Variants in RGS13 observed in about 807,000 individuals in gnomAD.
RGS13 encodes regulator of G protein signaling 13, also known as regulator of G-protein signalling 13.
A neutral mutation model predicts 19.9 loss-of-function variants in RGS13; 14 were observed. The observed-to-expected ratio is 0.70, with a 90% CI of 0.46 to 1.10. The LOEUF is 1.10. RGS13 is among the 50% of genes least tolerant of loss of function. RGS13 has a pLI of 0.00. For missense variants in RGS13, 205 were observed against 187.1 expected (o/e 1.10, Z -0.56); for synonymous variants, 60 against 56.8 (o/e 1.06, Z -0.25).
At position 192,658,327 on chromosome 1, in the gene RGS13, A is replaced by G. The variant is rs778346180; in HGVS notation, c.254A>G (p.Lys85Arg). The part of the protein sequence containing the change: ...SRWSRISRAK[K>R]LYKIYIQPQS... ...TGGAGCAGAATTTCTAGGGCAAAGA[A>G]GCTTTATAAGATTTACATCCAGCCA... Residue 85 changes from lysine (K) to arginine (R), a missense_variant, in exon 6 of 7, where the codon AAG becomes AGG. Coordinates refer to ENST00000391995, the MANE Select transcript of RGS13 (RefSeq NM_002927.5). 1 of 1,613,442 alleles carries G rather than the reference A, an allele frequency of 6.2e-7. No homozygotes were observed. Among genetic ancestry groups the G allele is most frequent in the East Asian group, 2.2e-5 (1 of 44,794 alleles).
Position 192,658,239 on chromosome 1 carries a change from C to T in RGS13, c.166C>T (p.His56Tyr), listed in dbSNP as rs779965280. 6.2e-7 allele frequency: 1 copy of T among 1,612,860 alleles called. No homozygotes were observed. Among genetic ancestry groups the T allele is most frequent in the African/African-American group, 1.3e-5 (1 of 74,766 alleles). Residue 56 changes from histidine (H) to tyrosine (Y), a missense_variant, in exon 6 of 7, where the codon CAC becomes TAC. Transcript: ENST00000391995. ...CTATGCAGCATATTTAAAAATGGAG[C>T]ACAGTGACGAGAATATTCAATTCTG... is the stretch of plus-strand genomic sequence containing the variant. ...VVYAAYLKME[H>Y]SDENIQFWMA...
At chr1:192,641,318 A>T (rs571296236) in intron 3 of RGS13, among the ~76,000 whole-genome samples, 1 of 151,048 alleles carries the variant, frequency 6.6e-6, no homozygotes, top group South Asian at 2.1e-4. Context: ...AAAGAAAGAA[A>T]GGAGGGAGGG....
chr1:192,651,865 A>T (rs1663344592), intron 5 of RGS13, among the ~76,000 whole-genome samples: 1 of 152,064 alleles, frequency 6.6e-6, no homozygotes, highest in Non-Finnish European at 1.5e-5. Context: ...GAGGTATAAA[A>T]TAGTTTCTGC....
At chr1:192,657,034 C>G (rs959665386) in intron 5 of RGS13, among the ~76,000 whole-genome samples, 1 of 152,016 alleles carries the variant, frequency 6.6e-6, no homozygotes, top group Non-Finnish European at 1.5e-5. Flanking sequence ...TAATCAAAAT[C>G]CTACGCTTTT....
chr1:192,648,253 T>C (rs1046721871), intron 5 of RGS13, among the ~76,000 whole-genome samples: 10 of 152,308 alleles, frequency 6.6e-5, no homozygotes, highest in Admixed American at 3.9e-4. Context: ...GCTTAAGTAG[T>C]AACGCATACC....
At chr1:192,648,664 AT>A (rs1264651450) in intron 5 of RGS13, among the ~76,000 whole-genome samples, 1 of 152,026 alleles carries the variant, frequency 6.6e-6, no homozygotes, top group Non-Finnish European at 1.5e-5. Context: ...CTCTTGTTGA[AT>A]TTGGTAGTTT....
chr1:192,659,252 C>A, intron 6 of RGS13, 86 bp from the exon 7 acceptor site: 1 of 855,078 alleles, frequency 1.2e-6, no homozygotes, highest in Non-Finnish European at 1.8e-6. Context: ...AAAAGGAGAG[C>A]AGAGAATAAA....
rs1259687640 is a variant in RGS13 at position 192,660,152 on chromosome 1, A to T, written c.*629A>T. On this transcript the variant is annotated 3_prime_UTR_variant, in exon 7 of 7. Coordinates refer to ENST00000391995, the MANE Select transcript of RGS13 (RefSeq NM_002927.5). ...AATTTCTTCATTTGCTCTTGCATCT[A>T]CATTGCTATAAGGATATAAAATGTG... The T allele has an allele frequency of 6.6e-6, 1 of 152,116 alleles. No homozygotes were observed. Among genetic ancestry groups the T allele is most frequent in the Admixed American group, 6.5e-5 (1 of 15,268 alleles). The allele number at this position is 152,116 out of a possible 1,614,324, so 9.4% of individuals were successfully genotyped here.
At chr1:192,641,947 T>A (rs1177214808) in intron 3 of RGS13, among the ~76,000 whole-genome samples, 4 of 152,052 alleles carry the variant, frequency 2.6e-5, no homozygotes, top group African/African-American at 9.7e-5. Context: ...ACAATCTCTC[T>A]CCTTCCCTCC....
intron 5 of RGS13, among the ~76,000 whole-genome samples, chr1:192,652,189 T>G (rs1663354941): frequency 6.6e-6 from 1 of 152,086 alleles, no homozygotes; most frequent in Non-Finnish European, 1.5e-5. Context: ...AGTGTGGGAT[T>G]GACATACTGC....
chr1:192,640,299 G>T (rs1337175857), intron 3 of RGS13, among the ~76,000 whole-genome samples: 1 of 152,104 alleles, frequency 6.6e-6, no homozygotes, highest in Non-Finnish European at 1.5e-5. Flanking sequence ...TGCAGTTCAA[G>T]GTCCAATTAC....
At position 192,658,300 on chromosome 1, in the gene RGS13, G is replaced by A. The variant is rs1359297515; in HGVS notation, c.227G>A (p.Arg76Gln). 1.1e-5 allele frequency: 18 copies of A among 1,613,404 alleles called. No homozygotes were observed. The highest frequency in any genetic ancestry group is 3.3e-5 in the Admixed American group (2 of 59,908). Residue 76 changes from arginine to glutamine, a missense_variant, in exon 6 of 7, where the codon CGG becomes CAG. By Grantham distance (43) the Arg-to-Gln change is conservative (BLOSUM62 1). Coordinates refer to ENST00000391995, the MANE Select transcript of RGS13 (RefSeq NM_002927.5). ...ACETYKKIASRWSRISRAKKL... is the reference protein window; with the variant it reads ...ACETYKKIASQWSRISRAKKL... ...GAAACCTATAAGAAAATTGCCTCAC[G>A]GTGGAGCAGAATTTCTAGGGCAAAG...
intron 4 of RGS13, 78 bp downstream of exon 4, chr1:192,644,477 G>A (rs1663181443): frequency 4.8e-6 from 5 of 1,040,054 alleles, no homozygotes; most frequent in South Asian, 1.5e-5. Context: ...TTATTAAACT[G>A]CTATTGTAAC....
chr1:192,646,715 T>A (rs897904060), intron 4 of RGS13: 1 of 152,120 alleles, frequency 6.6e-6, no homozygotes, highest in Non-Finnish European at 1.5e-5. Flanking sequence ...TATGTTCTCA[T>A]CATTCAGTTC....
In RGS13 at chr1:192,659,645, G is replaced by A; in HGVS notation, c.*122G>A. ...TAAAACAGAAATCAAACTATAAGTTGACTTTTAGTTCCTAAAAAGAAACAT... is the reference window on the plus strand; with the variant it reads ...TAAAACAGAAATCAAACTATAAGTTAACTTTTAGTTCCTAAAAAGAAACAT... On this transcript the variant is annotated 3_prime_UTR_variant, in exon 7 of 7. Transcript: ENST00000391995. 1 of 689,526 alleles carries A rather than the reference G, an allele frequency of 1.5e-6. No homozygotes were observed. The highest frequency in any genetic ancestry group is 2.4e-6 in the Non-Finnish European group (1 of 413,338). 42.7% of individuals were successfully genotyped at this position (689,526 alleles called of 1,614,324 possible).
chr1:192,651,968 C>T (rs1163398203), intron 5 of RGS13, among the ~76,000 whole-genome samples: 3 of 151,998 alleles, frequency 2.0e-5, no homozygotes, highest in Non-Finnish European at 2.9e-5. Flanking sequence ...ATTTCAAATG[C>T]GAGACCACAG....
chr1:192,639,938 A>G (rs924420576), intron 3 of RGS13, among the ~76,000 whole-genome samples: 1 of 152,172 alleles, frequency 6.6e-6, no homozygotes, highest in Non-Finnish European at 1.5e-5. Context: ...AATTTCATTA[A>G]ATTTATAAAA....
intron 3 of RGS13, among the ~76,000 whole-genome samples, chr1:192,642,361 A>C (rs911243364): frequency 7.1e-6 from 1 of 140,876 alleles, no homozygotes. Context: ...TTTCTTTGTC[A>C]CCCAGACTGG....
chr1:192,659,565 T>C lies in RGS13; in HGVS notation c.*42T>C. On this transcript the variant is annotated 3_prime_UTR_variant, in exon 7 of 7. Transcript: ENST00000391995. Reference sequence around the variant, plus strand: ...TAAATAGAAAACAGTATATTGAAAGTGGTGGGTTTGATCTTTTTATTTAGA... The same window carrying C: ...TAAATAGAAAACAGTATATTGAAAGCGGTGGGTTTGATCTTTTTATTTAGA... The C allele has an allele frequency of 7.1e-7, 1 of 1,407,660 alleles. No homozygotes were observed. Among genetic ancestry groups the C allele is most frequent in the Non-Finnish European group, 9.8e-7 (1 of 1,024,530 alleles). 87.2% of individuals were successfully genotyped at this position (1,407,660 alleles called of 1,614,324 possible).
Sources: gnomAD v4.1 joint callset for allele counts (sites outside exome capture counted in the v4.1 genomes callset) on GRCh38, gnomAD v4.1.1 for gene constraint, MANE v1.5 for transcripts, NCBI Gene and HGNC (gene_info 2026-07-23, HGNC 2026-07-21) for gene names.